The following NFIB variants were observed in gnomAD, a reference collection of about 807,000 sequenced individuals.
NFIB encodes nuclear factor I B.
NFIB carries 11 observed loss-of-function variants against 61.5 expected under a neutral mutation model. The observed-to-expected ratio is 0.18, with a 90% confidence interval of 0.11 to 0.30. The LOEUF is 0.30. Among genes scored for constraint, NFIB ranks in the 10% least tolerant of loss-of-function variants. NFIB has a pLI of 1.00. For synonymous variants in NFIB, 260 were observed against 216.5 expected (o/e 1.20, Z -1.76); for missense variants, 471 against 608.9 (o/e 0.77, Z 2.38).
Position 14,125,669 on chromosome 9 carries a change from C to G in NFIB, c.1023G>C (p.Gln341His), listed in dbSNP as rs1297821661. Residue 341 changes from glutamine (Q) to histidine (H), a missense_variant, in exon 7 of 11, where the codon CAG (glutamine) becomes CAC (histidine). Gln to His is a conservative substitution (Grantham distance 24). Transcript: ENST00000380953. ...DSSPRLSTFP[Q>H]HHHPGIPGVA... ...CTCCAGGTATTCCGGGATGGTGGTGCTGGGGGAAAGTGCTCAGTCTTGGGG... is the reference window on the plus strand; with the variant it reads ...CTCCAGGTATTCCGGGATGGTGGTGGTGGGGGAAAGTGCTCAGTCTTGGGG... 1 of 1,614,106 alleles carries G rather than the reference C, an allele frequency of 6.2e-7. No homozygotes were observed. Among genetic ancestry groups the G allele is most frequent in the Non-Finnish European group, 8.5e-7 (1 of 1,180,000 alleles).
chr9:14,362,598 T>G (rs2061253182), intron 1 of NFIB: 1 of 152,074 alleles, frequency 6.6e-6, no homozygotes, highest in South Asian at 2.1e-4. Context: ...TTTCTTGGTT[T>G]AAGAACTTTT....
At chr9:14,498,543 A>T in the NFIB span, among the ~76,000 whole-genome samples, 1 of 152,226 alleles carries the variant, frequency 6.6e-6, no homozygotes, top group Non-Finnish European at 1.5e-5. Context: ...ACTCGAGAAC[A>T]ACATCACATG....
At chr9:14,412,669 A>T in the NFIB span, among the ~76,000 whole-genome samples, 1 of 151,894 alleles carries the variant, frequency 6.6e-6, no homozygotes, top group Non-Finnish European at 1.5e-5. Context: ...CTCCAGATCA[A>T]CTCTCAGGGA....
chr9:14,509,339 T>C, the NFIB span, among the ~76,000 whole-genome samples: 1 of 152,196 alleles, frequency 6.6e-6, no homozygotes, highest in Admixed American at 6.5e-5. Flanking sequence ...CTCCACACAC[T>C]TTCCCCACCC....
chr9:14,251,031 T>C lies in NFIB; in HGVS notation c.562+55958A>G, dbSNP rs78547682. 2.8e-4 allele frequency among the ~76,000 whole-genome samples: 42 copies of C among 152,356 alleles called. No individual in the cohort carries two copies. The East Asian group carries it at 7.7e-3, about 28-fold the overall frequency. On this transcript the variant is annotated intron_variant, in intron 2 of 10. Coordinates refer to ENST00000380953, the MANE Select transcript of NFIB (RefSeq NM_001190737.2). ...GGTGATGTCTATTCCTGAAGTATGA[T>C]CAGAATGCAACATCTAACATTTTAC...
chr9:14,178,982 T>G (rs889869553), intron 3 of NFIB, among the ~76,000 whole-genome samples: 1 of 152,170 alleles, frequency 6.6e-6, no homozygotes, highest in African/African-American at 2.4e-5. Flanking sequence ...GTTAGTTTAT[T>G]CTTAGAGCAC....
At chr9:14,483,647 C>G in the NFIB span, among the ~76,000 whole-genome samples, 2 of 152,090 alleles carry the variant, frequency 1.3e-5, no homozygotes, top group African/African-American at 2.4e-5. Flanking sequence ...AAATTCTTAG[C>G]GCAGTACCCG....
At chr9:14,114,591 C>T (rs1238943266) in intron 9 of NFIB, among the ~76,000 whole-genome samples, 1 of 152,136 alleles carries the variant, frequency 6.6e-6, no homozygotes, top group Non-Finnish European at 1.5e-5. Flanking sequence ...CAAGATACTC[C>T]TTTTGAATAT....
intron 6 of NFIB, among the ~76,000 whole-genome samples, chr9:14,127,968 T>C (rs1335777726): frequency 6.7e-6 from 1 of 148,784 alleles, no homozygotes; most frequent in South Asian, 2.1e-4. Flanking sequence ...AAATTGTTCA[T>C]AAAACCACAG....
chr9:14,528,903 T>C, the NFIB span, among the ~76,000 whole-genome samples: 46,076 of 152,018 alleles, frequency 0.3, 7,318 homozygotes, highest in East Asian at 0.44. Context: ...ACATTCCAAG[T>C]GGTATTTTTA....
chr9:14,516,435 C>A, the NFIB span, among the ~76,000 whole-genome samples: 2 of 152,122 alleles, frequency 1.3e-5, no homozygotes, highest in African/African-American at 4.8e-5. Flanking sequence ...TAACTTGTTA[C>A]TCCATAAGGA....
chr9:14,531,731 A>G, the NFIB span, among the ~76,000 whole-genome samples: 1 of 151,998 alleles, frequency 6.6e-6, no homozygotes, highest in Non-Finnish European at 1.5e-5. Flanking sequence ...TGCCTTTTTA[A>G]AAAGAAGGCC....
chr9:14,163,576 A>G (rs2131293864), intron 3 of NFIB, among the ~76,000 whole-genome samples: 1 of 152,124 alleles, frequency 6.6e-6, no homozygotes, highest in South Asian at 2.1e-4. Flanking sequence ...TTAATAAAGA[A>G]GATAAATCAT....
chr9:14,477,997 C>G, the NFIB span, among the ~76,000 whole-genome samples: 6 of 152,028 alleles, frequency 3.9e-5, no homozygotes, highest in Non-Finnish European at 8.8e-5. Flanking sequence ...ATCTAAGGTT[C>G]TCCTCAAGAT....
At chr9:14,400,607 A>G (rs527375342), upstream of NFIB, among the ~76,000 whole-genome samples, 1 of 152,242 alleles carries the variant, frequency 6.6e-6, no homozygotes, top group African/African-American at 2.4e-5. Context: ...ATCGAAAGCA[A>G]ACAACATGCT....
chr9:14,278,553 G>A (rs2058161225), intron 2 of NFIB, among the ~76,000 whole-genome samples: 1 of 152,206 alleles, frequency 6.6e-6, no homozygotes, highest in South Asian at 2.1e-4. Context: ...AAAGAAAAGA[G>A]GCGAGCCCCT....
rs979224022 is a variant in NFIB, at chr9:14,356,004, C to A, written c.108+42520G>T. ...AAAAAAAAAAGGCCAATTTGCAATT[C>A]TTAAACTTTCAACAACGGGCTTGCA... On this transcript the variant is annotated intron_variant, in intron 1 of 8. Transcript: ENST00000380934. Among the ~76,000 whole-genome samples the A allele has an allele frequency of 5.4e-4, 82 of 151,348 alleles. 1 individual carries two copies. Among genetic ancestry groups the A allele is most frequent in the Non-Finnish European group, 5.9e-5 (4 of 67,816 alleles).
chr9:14,494,826 A>G, the NFIB span, among the ~76,000 whole-genome samples: 2 of 152,132 alleles, frequency 1.3e-5, no homozygotes, highest in African/African-American at 4.8e-5. Context: ...TCAATTGCCT[A>G]GGTCTCCATC....
chr9:14,531,189 T>C, the NFIB span, among the ~76,000 whole-genome samples: 5 of 152,174 alleles, frequency 3.3e-5, no homozygotes, highest in East Asian at 7.7e-4. Flanking sequence ...CTTCCCAATA[T>C]TATGTTAAAA....
Sources: allele counts gnomAD v4.1 joint callset (sites outside exome capture counted in the v4.1 genomes callset), GRCh38; gene constraint gnomAD v4.1.1; transcripts MANE v1.5; gene names NCBI Gene and HGNC (gene_info 2026-07-23, HGNC 2026-07-21).